Variants in ATP9B observed in about 807,000 individuals in gnomAD.
The protein encoded by ATP9B is probable phospholipid-transporting ATPase IIB.
A neutral mutation model predicts 146.1 loss-of-function variants in ATP9B; 110 were observed. The observed-to-expected ratio is 0.75, with a 90% CI of 0.65 to 0.88. The LOEUF (loss-of-function observed/expected upper bound fraction) is 0.88, where lower values mean the gene tolerates loss of function less well. Ranked by LOEUF, ATP9B falls within the 40% of genes least tolerant of loss-of-function variation. ATP9B has a pLI of 0.00. For synonymous variants in ATP9B, 604 were observed against 569.7 expected (o/e 1.06, Z -0.86); for missense variants, 1,499 against 1,496.4 (o/e 1.00, Z -0.03).
At chr18:79,097,109 G>A (rs1271672283) in intron 2 of ATP9B, among the ~76,000 whole-genome samples, 1 of 148,902 alleles carries the variant, frequency 6.7e-6, no homozygotes, top group Non-Finnish European at 1.5e-5. Flanking sequence ...AGTGAGCCGA[G>A]ATCGAGCCAC....
intron 24 of ATP9B, 55 bp from the exon 25 acceptor site, chr18:79,348,077 G>T: frequency 6.2e-7 from 1 of 1,606,314 alleles, no homozygotes; most frequent in Non-Finnish European, 8.5e-7. Context: ...GAGGCTTGGG[G>T]CCACAGGTGC....
At chr18:79,204,958 A>G (rs907582421) in intron 9 of ATP9B, among the ~76,000 whole-genome samples, 2 of 152,138 alleles carry the variant, frequency 1.3e-5, no homozygotes, top group Admixed American at 6.5e-5. Context: ...GTTGTAAACA[A>G]TTCCCAGCAT....
At chr18:79,189,686 C>A (rs2095344244) in intron 8 of ATP9B, among the ~76,000 whole-genome samples, 1 of 152,220 alleles carries the variant, frequency 6.6e-6, no homozygotes, top group African/African-American at 2.4e-5. Context: ...TTTTTGATAG[C>A]ACAAGTTGAC....
chr18:79,266,489 T>A (rs2096205513), intron 12 of ATP9B, among the ~76,000 whole-genome samples: 1 of 152,076 alleles, frequency 6.6e-6, no homozygotes, highest in Admixed American at 6.5e-5. Context: ...CAGTATGTTG[T>A]TAAAGAAAAG....
At chr18:79,184,616 C>T (rs2095287131) in intron 8 of ATP9B, among the ~76,000 whole-genome samples, 1 of 152,060 alleles carries the variant, frequency 6.6e-6, no homozygotes, top group Non-Finnish European at 1.5e-5. Flanking sequence ...ATTCTTGCAG[C>T]CTATTGACTT....
At chr18:79,283,817 G>C (rs2096405066) in intron 13 of ATP9B, among the ~76,000 whole-genome samples, 1 of 152,200 alleles carries the variant, frequency 6.6e-6, no homozygotes, top group South Asian at 2.1e-4. Flanking sequence ...TTAATCTGCT[G>C]GGAGAACTTT....
intron 11 of ATP9B, among the ~76,000 whole-genome samples, chr18:79,238,349 G>A (rs1400453466): frequency 2.6e-5 from 4 of 151,964 alleles, no homozygotes; most frequent in Admixed American, 1.3e-4. Flanking sequence ...GGTCAGTTCC[G>A]GGGCTTACGT....
At chr18:79,152,616 A>G (rs1001704694) in intron 6 of ATP9B, among the ~76,000 whole-genome samples, 11 of 152,220 alleles carry the variant, frequency 7.2e-5, no homozygotes, top group African/African-American at 2.4e-4. Context: ...TGTTTGATGA[A>G]TGACGACAAT....
intron 25 of ATP9B, among the ~76,000 whole-genome samples, chr18:79,355,944 C>T (rs2096949866): frequency 6.6e-6 from 1 of 152,146 alleles, no homozygotes; most frequent in African/African-American, 2.4e-5. Flanking sequence ...AGAAAGGCCT[C>T]ATGGGCACGG....
intron 6 of ATP9B, 38 bp downstream of exon 6, chr18:79,143,898 C>G: frequency 7.6e-7 from 1 of 1,309,424 alleles, no homozygotes; most frequent in South Asian, 1.4e-5. Context: ...CCTATGTATG[C>G]TAGTTATTAA....
chr18:79,206,832 A>C (rs2095538780), intron 9 of ATP9B, 105 bp from the exon 10 acceptor site: 1 of 1,030,170 alleles, frequency 9.7e-7, no homozygotes, highest in African/African-American at 1.6e-5. Context: ...ACTGCTGTTC[A>C]CTTGGATTGA....
chr18:79,322,273 G>A (rs2096720415), intron 15 of ATP9B, among the ~76,000 whole-genome samples: 1 of 152,216 alleles, frequency 6.6e-6, no homozygotes, highest in Admixed American at 6.5e-5. Context: ...TTTAACACAG[G>A]CATGGAATTC....
At chr18:79,373,692 T>C (rs975126541) in intron 27 of ATP9B, among the ~76,000 whole-genome samples, 3 of 152,112 alleles carry the variant, frequency 2.0e-5, no homozygotes, top group African/African-American at 7.2e-5. Flanking sequence ...GGTTTCAGCA[T>C]GTTGGCCAGG....
intron 1 of ATP9B, among the ~76,000 whole-genome samples, chr18:79,091,754 G>T (rs1427024697): frequency 6.6e-6 from 1 of 152,106 alleles, no homozygotes; most frequent in African/African-American, 2.4e-5. Context: ...TTCCAATTTG[G>T]ATTCCCCCTA....
At chr18:79,327,681 G>A (rs1247040749) in intron 15 of ATP9B, among the ~76,000 whole-genome samples, 2 of 144,386 alleles carry the variant, frequency 1.4e-5, no homozygotes, top group African/African-American at 2.6e-5. Context: ...TCCGTGGTTA[G>A]CGTGCTCTCC....
intron 4 of ATP9B, among the ~76,000 whole-genome samples, chr18:79,118,189 T>C (rs1002093681): frequency 2.6e-5 from 4 of 152,168 alleles, no homozygotes; most frequent in Admixed American, 1.3e-4. Context: ...AGCATTGTTA[T>C]AATGAACAAT....
intron 8 of ATP9B, among the ~76,000 whole-genome samples, chr18:79,180,864 C>A (rs1301934057): frequency 6.6e-6 from 1 of 151,964 alleles, no homozygotes; most frequent in Admixed American, 6.6e-5. Flanking sequence ...GCAATCTCGA[C>A]TCACTGCAGT....
At chr18:79,314,386 C>T (rs2096668376) in intron 15 of ATP9B, among the ~76,000 whole-genome samples, 1 of 152,328 alleles carries the variant, frequency 6.6e-6, no homozygotes, top group East Asian at 1.9e-4. Flanking sequence ...GAAGGAGAAA[C>T]AATCTTTCTC....
intron 7 of ATP9B, among the ~76,000 whole-genome samples, chr18:79,167,895 C>A (rs553467833): frequency 1.1e-4 from 12 of 114,138 alleles, no homozygotes; most frequent in Admixed American, 5.4e-4. Context: ...TGTATGGTTC[C>A]CAGGCTGTTT....
Sources: allele counts gnomAD v4.1 joint callset (sites outside exome capture counted in the v4.1 genomes callset), GRCh38; gene constraint gnomAD v4.1.1; transcripts MANE v1.5; gene names NCBI Gene and HGNC (gene_info 2026-07-23, HGNC 2026-07-21).